VAV2: variants seen among roughly 807,000 people sequenced by gnomAD.
The protein encoded by VAV2 is guanine nucleotide exchange factor VAV2.
In VAV2, 67 loss-of-function variants were observed where a neutral mutation model predicts 132.5. That is an observed-to-expected ratio of 0.51 (90% CI 0.42 to 0.62). The LOEUF is 0.62. Among genes scored for constraint, VAV2 ranks in the 20% least tolerant of loss-of-function variants. The pLI, the probability that VAV2 is intolerant of heterozygous loss-of-function variation, is 0.00. For synonymous variants in VAV2, 492 were observed against 443.5 expected (o/e 1.11, Z -1.37); for missense variants, 938 against 1,153.6 (o/e 0.81, Z 2.71).
intron 4 of VAV2, among the ~76,000 whole-genome samples, chr9:133,822,917 G>A (rs926950407): frequency 1.3e-5 from 2 of 152,262 alleles, no homozygotes; most frequent in South Asian, 2.1e-4. Context: ...TGTGACCTCC[G>A]GCAAGTCACC....
intron 12 of VAV2, 62 bp from the exon 13 acceptor site, chr9:133,791,931 G>T: frequency 3.0e-6 from 4 of 1,334,604 alleles, no homozygotes; most frequent in Admixed American, 1.7e-5. Context: ...GACTGTGTGT[G>T]TAAGCAGGCT....
chr9:133,886,119 C>T (rs1243723274), intron 2 of VAV2, among the ~76,000 whole-genome samples: 1 of 152,152 alleles, frequency 6.6e-6, no homozygotes, highest in Non-Finnish European at 1.5e-5. Context: ...GGTGAAGGGG[C>T]TGGAGCAGGC....
At position 133,768,944 on chromosome 9, in the gene VAV2, G is replaced by A. The variant is rs995829161; in HGVS notation, c.2435-348C>T. 4.6e-5 allele frequency among the ~76,000 whole-genome samples: 7 copies of A among 152,308 alleles called. No homozygotes were observed. In the East Asian group the frequency reaches 1.3e-3, roughly 29 times the overall value. ...TTGGCCCAGATGCAGAATCCTGATAGACAGGTGACAATGACCATGGCTGAG... is the reference window on the plus strand; with the variant it reads ...TTGGCCCAGATGCAGAATCCTGATAAACAGGTGACAATGACCATGGCTGAG... On this transcript the variant is annotated intron_variant, in intron 28 of 29. Transcript: ENST00000371850. The surrounding 1 kb of genome is among the most constrained non-coding windows in gnomAD (Gnocchi z 5.3).
intron 2 of VAV2, among the ~76,000 whole-genome samples, chr9:133,899,476 T>G (rs1839353705): frequency 6.6e-6 from 1 of 151,870 alleles, no homozygotes; most frequent in African/African-American, 2.4e-5. Context: ...TAGCACGATC[T>G]GAGCTCACCG....
intron 2 of VAV2, among the ~76,000 whole-genome samples, chr9:133,902,797 C>T (rs1392205869): frequency 6.6e-6 from 1 of 152,142 alleles, no homozygotes; most frequent in Non-Finnish European, 1.5e-5. Context: ...GTTTGCCAGG[C>T]GCAATGGCTC....
intron 2 of VAV2, among the ~76,000 whole-genome samples, chr9:133,878,198 T>G (rs1199000495): frequency 6.6e-6 from 1 of 152,192 alleles, no homozygotes; most frequent in Non-Finnish European, 1.5e-5. Flanking sequence ...GGCAGGCACC[T>G]CTGCTGACAT....
intron 1 of VAV2, among the ~76,000 whole-genome samples, chr9:133,965,561 A>G (rs771641845): frequency 4.9e-4 from 74 of 151,936 alleles, no homozygotes; most frequent in Non-Finnish European, 6.5e-4. Context: ...TAAAATTTCT[A>G]GGAATAAATT....
chr9:133,989,536 A>C (rs1262528153), intron 1 of VAV2, among the ~76,000 whole-genome samples: 1 of 147,838 alleles, frequency 6.8e-6, no homozygotes, highest in Non-Finnish European at 1.5e-5. Context: ...AAAAAAAAAA[A>C]AAGCTGGGCG....
intron 1 of VAV2, among the ~76,000 whole-genome samples, chr9:133,965,494 C>CA (rs148320930): frequency 0.67 from 81,937 of 122,476 alleles, 26,525 homozygotes; most frequent in East Asian, 0.8. Context: ...GCGAGACTGT[C>CA]AAAAAAAAAA....
chr9:133,911,607 T>C (rs982748657), intron 2 of VAV2, among the ~76,000 whole-genome samples: 1 of 152,232 alleles, frequency 6.6e-6, no homozygotes, highest in African/African-American at 2.4e-5. Context: ...CCCCACTGTA[T>C]GGCCAGTGTC....
In VAV2 at chr9:133,907,444, C is replaced by T. The variant is rs534567705; in HGVS notation, c.321+31659G>A. The stretch of plus-strand genomic sequence containing the variant: ...AAAGACAGAAGGAACCTCACAGCCA[C>T]GCCCCAGCTGACCTTGGTGGCCTGG... On this transcript the variant is annotated intron_variant, in intron 2 of 29. Coordinates refer to ENST00000371850, the MANE Select transcript of VAV2 (RefSeq NM_001134398.2). Among the ~76,000 whole-genome samples the T allele has an allele frequency of 2.6e-5, 4 of 152,352 alleles. No individual in the cohort carries two copies. In the East Asian group the frequency reaches 5.8e-4, roughly 22 times the overall value.
In VAV2 at chr9:133,935,941, G is replaced by A. The variant is rs1004937091; in HGVS notation, c.321+3162C>T. On this transcript the variant is annotated intron_variant, in intron 2 of 29. Coordinates refer to ENST00000371850, the MANE Select transcript of VAV2 (RefSeq NM_001134398.2). This position sits in a 1 kb window ranked among gnomAD's most constrained non-coding sequence, Gnocchi z 5.2. ...GACACACCACAGGCCACATTCACGC[G>A]GGCTCCAGGAGGCAAAGGGCATGGC... Among the ~76,000 whole-genome samples the A allele has an allele frequency of 1.3e-5, 2 of 152,206 alleles. No homozygotes were observed. Among genetic ancestry groups the A allele is most frequent in the Non-Finnish European group, 2.9e-5 (2 of 68,030 alleles).
intron 18 of VAV2, among the ~76,000 whole-genome samples, 155 bp from the exon 19 acceptor site, chr9:133,783,746 C>T (rs1250833541): frequency 6.6e-6 from 1 of 152,068 alleles, no homozygotes; most frequent in Non-Finnish European, 1.5e-5. Context: ...AGGACCCTCC[C>T]TTACCAGGCA....
At chr9:133,974,314 G>A (rs936621441) in intron 1 of VAV2, among the ~76,000 whole-genome samples, 1 of 152,180 alleles carries the variant, frequency 6.6e-6, no homozygotes, top group Non-Finnish European at 1.5e-5. Context: ...CCTTGCACAA[G>A]GGCCTAGACA....
chr9:133,902,891 C>T (rs1206376655), intron 2 of VAV2, among the ~76,000 whole-genome samples: 3 of 152,016 alleles, frequency 2.0e-5, no homozygotes, highest in African/African-American at 4.8e-5. Context: ...GCCTGGCCAA[C>T]GTGGTAAAAC....
intron 4 of VAV2, among the ~76,000 whole-genome samples, chr9:133,816,189 T>A (rs1407767826): frequency 6.6e-6 from 1 of 152,240 alleles, no homozygotes; most frequent in Non-Finnish European, 1.5e-5. Context: ...TTGTCTGTCT[T>A]CTTATTGAAT....
Position 133,883,501 on chromosome 9 carries a change from G to T in VAV2, c.322-22069C>A, listed in dbSNP as rs1838581404. ...AACATGTTGAAACAATGAGGGGATA[G>T]AACAACCACTCACCCTGCAGACTCC... On this transcript the variant is annotated intron_variant, in intron 2 of 29. Transcript: ENST00000371850. This position sits in a 1 kb window ranked among gnomAD's most constrained non-coding sequence, Gnocchi z 4.2. Among the ~76,000 whole-genome samples the T allele has an allele frequency of 1.3e-5, 2 of 152,074 alleles. No individual in the cohort carries two copies. The highest frequency in any genetic ancestry group is 1.3e-4 in the Admixed American group (2 of 15,280).
At chr9:133,947,624 G>A (rs1175329708) in intron 1 of VAV2, among the ~76,000 whole-genome samples, 6 of 151,504 alleles carry the variant, frequency 4.0e-5, no homozygotes, top group Non-Finnish European at 7.4e-5. Flanking sequence ...GATTGAACTC[G>A]GGAGGTGGAG....
rs1564416097 is a variant in VAV2, at chr9:133,863,768, G to GA, written c.322-2337dup. Among the ~76,000 whole-genome samples, 1 of 152,164 alleles carries GA rather than the reference G, an allele frequency of 6.6e-6. No homozygotes were observed. The highest frequency in any genetic ancestry group is 1.5e-5 in the Non-Finnish European group (1 of 68,018). On this transcript the variant is annotated intron_variant, in intron 2 of 29. Coordinates refer to ENST00000371850, the MANE Select transcript of VAV2 (RefSeq NM_001134398.2). This position sits in a 1 kb window ranked among gnomAD's most constrained non-coding sequence, Gnocchi z 5.0. ...GGCACTGGGGATGGGGGGAAGCTCA[G>GA]AAGTCCACCACGGGGAACCACACTC...
Sources: allele counts gnomAD v4.1 joint callset (sites outside exome capture counted in the v4.1 genomes callset), GRCh38; gene constraint gnomAD v4.1.1; non-coding constraint Gnocchi (gnomAD v3.1); transcripts MANE v1.5; gene names NCBI Gene and HGNC (gene_info 2026-07-23, HGNC 2026-07-21).